The following DMXL2 variants were observed in gnomAD, a reference collection of about 807,000 sequenced individuals.
The protein encoded by DMXL2 is dmX-like protein 2.
DMXL2 carries 103 observed loss-of-function variants against 331.1 expected under a neutral mutation model. The ratio of observed to expected loss-of-function variants is 0.31; its 90% CI spans 0.27 to 0.37. The LOEUF (loss-of-function observed/expected upper bound fraction) is 0.37. Ranked by LOEUF, DMXL2 falls within the 10% of genes least tolerant of loss-of-function variation. DMXL2 has a pLI of 1.00. For missense variants in DMXL2, 3,171 were observed against 3,642.9 expected (o/e 0.87, Z 3.33); for synonymous variants, 1,281 against 1,252.1 (o/e 1.02, Z -0.49).
At chr15:51,567,324 A>C (rs1281455807) in intron 3 of DMXL2, 1 of 152,118 alleles carries the variant, frequency 6.6e-6, no homozygotes, top group African/African-American at 2.4e-5. Flanking sequence ...TACAGGTGTG[A>C]GCCACCACAC....
chr15:51,596,436 G>A (rs2141278847), intron 1 of DMXL2, among the ~76,000 whole-genome samples: 1 of 152,314 alleles, frequency 6.6e-6, no homozygotes, highest in African/African-American at 2.4e-5. Flanking sequence ...TGCTGGAGAG[G>A]ATGTGGAGAA....
chr15:51,504,098 A>G (rs1453784232), intron 16 of DMXL2, among the ~76,000 whole-genome samples: 1 of 152,212 alleles, frequency 6.6e-6, no homozygotes, highest in African/African-American at 2.4e-5. Context: ...GCAAATTCCC[A>G]GGCCTAACCA....
chr15:51,516,019 T>C (rs144475105), intron 14 of DMXL2, among the ~76,000 whole-genome samples: 6 of 152,298 alleles, frequency 3.9e-5, no homozygotes, highest in African/African-American at 1.2e-4. Flanking sequence ...CAAGAGATGA[T>C]GTATTTTATC....
intron 13 of DMXL2, among the ~76,000 whole-genome samples, chr15:51,532,670 C>T (rs1289712939): frequency 2.0e-5 from 3 of 152,006 alleles, no homozygotes; most frequent in Non-Finnish European, 4.4e-5. Flanking sequence ...TATGTACCCA[C>T]AAAAATTTTA....
chr15:51,537,696 C>G lies in DMXL2; in HGVS notation c.1409G>C (p.Arg470Thr), dbSNP rs749937374. ...TGSSEHEDGE[R>T]EGSPRTYSRL... ...TGAGTAAGTTCTAGGACTTCCTTCTCTTTCTCCATCTTCATGTTCTGATGA... is the reference window on the plus strand; with the variant it reads ...TGAGTAAGTTCTAGGACTTCCTTCTGTTTCTCCATCTTCATGTTCTGATGA... The change falls in exon 11 of 44, where the codon AGA (arginine) becomes ACA (threonine). Residue 470 changes from arginine (R) to threonine (T), a missense_variant. Physicochemically the swap from Arg to Thr is moderately conservative, Grantham distance 71 (BLOSUM62 -1). Coordinates refer to ENST00000560891, the MANE Select transcript of DMXL2 (RefSeq NM_001378457.1). The G allele has an allele frequency of 6.2e-7, 1 of 1,613,836 alleles. No individual in the cohort carries two copies. The highest frequency in any genetic ancestry group is 8.5e-7 in the Non-Finnish European group (1 of 1,179,850).
At position 51,622,713 on chromosome 15, in the gene DMXL2, C is replaced by T. The variant is rs1487516301; in HGVS notation, c.-168G>A. 1 of 1,334,542 alleles carries T rather than the reference C, an allele frequency of 7.5e-7. No homozygotes were observed. 82.7% of individuals were successfully genotyped at this position (1,334,542 alleles called of 1,614,324 possible). On this transcript the variant is annotated 5_prime_UTR_variant, in exon 1 of 44. Coordinates refer to ENST00000560891, the MANE Select transcript of DMXL2 (RefSeq NM_001378457.1). Reference sequence around the variant, plus strand: ...CTTTCGCCTTCCCTCCGCCTCGTCCCTGCCATGGGAGCTCCTCGACCGCCG... The same window carrying T: ...CTTTCGCCTTCCCTCCGCCTCGTCCTTGCCATGGGAGCTCCTCGACCGCCG...
intron 6 of DMXL2, among the ~76,000 whole-genome samples, 188 bp from the exon 7 acceptor site, chr15:51,547,596 T>A: frequency 6.6e-6 from 1 of 152,154 alleles, no homozygotes; most frequent in Admixed American, 6.6e-5. Context: ...ATGAACAGTC[T>A]ATTCATTATC....
chr15:51,595,740 G>C (rs1373755616), intron 1 of DMXL2, among the ~76,000 whole-genome samples: 2 of 152,146 alleles, frequency 1.3e-5, no homozygotes, highest in East Asian at 3.8e-4. Flanking sequence ...CAATGGAACA[G>C]AACAGAGCCC....
At chr15:51,594,618 G>C (rs1421321383) in intron 1 of DMXL2, among the ~76,000 whole-genome samples, 1 of 152,026 alleles carries the variant, frequency 6.6e-6, no homozygotes, top group African/African-American at 2.4e-5. Context: ...CAAAAAAAGA[G>C]AATTTTAGAC....
intron 1 of DMXL2, among the ~76,000 whole-genome samples, chr15:51,619,913 C>T (rs1481025678): frequency 1.3e-5 from 2 of 152,162 alleles, no homozygotes; most frequent in East Asian, 3.9e-4. Flanking sequence ...AATGAGAAGT[C>T]ACAAGACCTT....
chr15:51,495,064 T>G lies in DMXL2; in HGVS notation c.4743A>C (p.Thr1581=). 6.2e-7 allele frequency: 1 copy of G among 1,613,524 alleles called. No homozygotes were observed. Among genetic ancestry groups the G allele is most frequent in the Non-Finnish European group, 8.5e-7 (1 of 1,179,528 alleles). The change falls in exon 19 of 44, where the codon ACA becomes ACC. Residue 1581 remains threonine, a synonymous_variant. Transcript: ENST00000560891. ...LAMRLHTCLL[T]SLPPLYRVQL... ...GCACTCGGTATAAAGGAGGCAGCGA[T>G]GTCAAAAGGCATGTGTGTAGGCGCA...
rs780598946 is a variant in DMXL2 at position 51,499,412 on chromosome 15, T to C, written c.3812A>G (p.Tyr1271Cys). The C allele has an allele frequency of 1.2e-6, 2 of 1,613,996 alleles. No individual in the cohort carries two copies. The highest frequency in any genetic ancestry group is 1.7e-6 in the Non-Finnish European group (2 of 1,180,040). Residue 1271 changes from tyrosine (Y) to cysteine (C), a missense_variant, in exon 18 of 44, where the codon TAT (tyrosine) becomes TGT (cysteine). By Grantham distance (194) the Tyr-to-Cys change is radical. This residue lies in a region of DMXL2 where 1,674 missense variants were observed against 1,780.2 expected (regional missense o/e 0.94). Coordinates refer to ENST00000560891, the MANE Select transcript of DMXL2 (RefSeq NM_001378457.1). ...TTTGACAGCATGCTTCCACTGTGCA[T>C]ATACATGCATTTCACAATCCATTCC... The part of the protein sequence containing the change: ...VVGMDCEMHV[Y>C]AQWKHAVKFG...
At chr15:51,580,469 G>A (rs1381791387) in intron 1 of DMXL2, among the ~76,000 whole-genome samples, 1 of 152,148 alleles carries the variant, frequency 6.6e-6, no homozygotes, top group East Asian at 1.9e-4. Flanking sequence ...AGCCTTTTCT[G>A]GAGAAATGGA....
intron 13 of DMXL2, among the ~76,000 whole-genome samples, chr15:51,532,434 AAT>A (rs2048055696): frequency 6.6e-6 from 1 of 152,168 alleles, no homozygotes; most frequent in South Asian, 2.1e-4. Flanking sequence ...TGTACAAAAA[AAT>A]AGTTAGAATT....
At chr15:51,577,102 T>C (rs189142095) in intron 1 of DMXL2, among the ~76,000 whole-genome samples, 1 of 152,292 alleles carries the variant, frequency 6.6e-6, no homozygotes, top group East Asian at 1.9e-4. Context: ...TGATTAAATA[T>C]TCAAAACAAC....
rs751224567 is a variant in DMXL2, at chr15:51,450,174, G to A, written c.8922C>T (p.Pro2974=). 1 of 1,613,740 alleles carries A rather than the reference G, an allele frequency of 6.2e-7. No homozygotes were observed. The highest frequency in any genetic ancestry group is 2.2e-5 in the East Asian group (1 of 44,860). Residue 2974 remains proline (P), a synonymous_variant, in exon 43 of 44, where the codon CCC becomes CCT. Transcript: ENST00000560891. ...AACCTGTGGTAAAATATTCCTCATA[G>A]GGATCCAAGGCCAGAGCCTTAATAG... is the stretch of plus-strand genomic sequence containing the variant. The part of the protein sequence containing the change: ...DSAIKALALD[P]YEEYFTTGSA...
At chr15:51,611,540 C>T (rs2053968724) in intron 1 of DMXL2, among the ~76,000 whole-genome samples, 1 of 152,164 alleles carries the variant, frequency 6.6e-6, no homozygotes, top group Admixed American at 6.5e-5. Context: ...TCTCTTTCTT[C>T]AGCATTTTTC....
chr15:51,488,505 A>C (rs2042561271), intron 21 of DMXL2, 43 bp downstream of exon 21: 1 of 1,517,020 alleles, frequency 6.6e-7, no homozygotes, highest in Non-Finnish European at 9.1e-7. Context: ...TCACAGCACA[A>C]TCTTCATTCT....
intron 1 of DMXL2, among the ~76,000 whole-genome samples, chr15:51,594,085 T>C (rs10438317): frequency 0.48 from 72,681 of 151,524 alleles, 17,724 homozygotes; most frequent in Non-Finnish European, 0.52. Context: ...CTGAAGGAAA[T>C]AGAGACACAA....
Sources: gnomAD v4.1 joint callset for allele counts (sites outside exome capture counted in the v4.1 genomes callset) on GRCh38, gnomAD v4.1.1 for gene constraint, gnomAD v4.1.1 regional missense constraint, MANE v1.5 for transcripts, NCBI Gene and HGNC (gene_info 2026-07-23, HGNC 2026-07-21) for gene names.